ZRANB1: variants seen among roughly 807,000 people sequenced by gnomAD.
The protein encoded by ZRANB1 is zinc finger RANBP2-type containing 1.
Under a neutral mutation model 80.5 loss-of-function variants are expected in ZRANB1, and 16 were observed. The observed-to-expected ratio is 0.20, with a 90% CI of 0.13 to 0.30. The LOEUF (loss-of-function observed/expected upper bound fraction) is 0.30. ZRANB1 is among the 10% of genes least tolerant of loss of function. The pLI, the probability that ZRANB1 is intolerant of heterozygous loss-of-function variation, is 1.00. For synonymous variants in ZRANB1, 291 were observed against 293.1 expected, an observed-to-expected ratio of 0.99 and a Z score of 0.07; for missense variants, 576 against 862.6, an observed-to-expected ratio of 0.67 and a Z score of 4.16.
the ZRANB1 span, among the ~76,000 whole-genome samples, chr10:124,933,464 G>A: frequency 6.6e-6 from 1 of 152,146 alleles, no homozygotes; most frequent in Non-Finnish European, 1.5e-5. Context: ...GAATGAAGTA[G>A]CATGTTCATA....
At chr10:124,923,734 G>T in the ZRANB1 span, among the ~76,000 whole-genome samples, 2 of 151,820 alleles carry the variant, frequency 1.3e-5, no homozygotes, top group Non-Finnish European at 2.9e-5. Flanking sequence ...GTGAGCAGGG[G>T]AAGTGCCACG....
At chr10:124,928,135 C>G in the ZRANB1 span, among the ~76,000 whole-genome samples, 1 of 152,074 alleles carries the variant, frequency 6.6e-6, no homozygotes, top group African/African-American at 2.4e-5. Context: ...TTAAGCTGGT[C>G]CTTGAAGGAG....
the ZRANB1 span, among the ~76,000 whole-genome samples, chr10:124,921,090 A>T: frequency 1.3e-5 from 2 of 152,314 alleles, no homozygotes; most frequent in East Asian, 3.9e-4. Context: ...CCTGTAGAGG[A>T]TGTTCAGCAT....
upstream of ZRANB1, among the ~76,000 whole-genome samples, chr10:124,937,976 T>C (rs990840459): frequency 2.6e-5 from 4 of 152,224 alleles, no homozygotes; most frequent in Non-Finnish European, 4.4e-5. Flanking sequence ...TTTATTGTGG[T>C]TTTATTTTAC....
chr10:124,922,487 G>A, the ZRANB1 span, among the ~76,000 whole-genome samples: 3 of 144,006 alleles, frequency 2.1e-5, no homozygotes, highest in South Asian at 2.1e-4. Context: ...CACCACACCT[G>A]GCTAATTTTT....
chr10:124,958,674 T>C (rs1443166063), intron 1 of ZRANB1, among the ~76,000 whole-genome samples: 9 of 152,226 alleles, frequency 5.9e-5, no homozygotes, highest in Admixed American at 3.9e-4. Context: ...TGCTGCACCT[T>C]AAATTAACCT....
At chr10:124,947,513 C>G (rs1174177398) in intron 1 of ZRANB1, among the ~76,000 whole-genome samples, 6 of 152,136 alleles carry the variant, frequency 3.9e-5, no homozygotes. Flanking sequence ...ATAAGAACAC[C>G]ATATTAAATC....
At position 124,947,334 on chromosome 10, in the gene ZRANB1, C is replaced by T. The variant is rs566781974; in HGVS notation, c.814+4027C>T. Among the ~76,000 whole-genome samples the T allele has an allele frequency of 2.0e-5, 3 of 152,286 alleles. No individual in the cohort carries two copies. The East Asian group carries it at 5.8e-4, about 29-fold the overall frequency. On this transcript the variant is annotated intron_variant, in intron 1 of 8. Transcript: ENST00000359653. ...GGTTTTTAGGGCGGTCATGTGAGCACTCACCATAGACTGCTTTTCTCACTG... is the reference window on the plus strand; with the variant it reads ...GGTTTTTAGGGCGGTCATGTGAGCATTCACCATAGACTGCTTTTCTCACTG...
chr10:124,960,358 T>C (rs1466567265), intron 1 of ZRANB1, among the ~76,000 whole-genome samples: 1 of 152,226 alleles, frequency 6.6e-6, no homozygotes, highest in Non-Finnish European at 1.5e-5. Flanking sequence ...AAGAATTAAA[T>C]GTATATAATA....
At chr10:124,922,756 G>A in the ZRANB1 span, among the ~76,000 whole-genome samples, 1 of 151,970 alleles carries the variant, frequency 6.6e-6, no homozygotes, top group Non-Finnish European at 1.5e-5. Context: ...CTCCCAAAGT[G>A]CTGGGATTAC....
At chr10:124,917,282 C>T in the ZRANB1 span, 1 of 152,224 alleles carries the variant, frequency 6.6e-6, no homozygotes, top group Non-Finnish European at 1.4e-5. Flanking sequence ...GGTAACCGGG[C>T]CCCGGGGGGC....
intron 1 of ZRANB1, among the ~76,000 whole-genome samples, chr10:124,954,269 A>AGCC (rs1951670801): frequency 6.8e-6 from 1 of 147,708 alleles, no homozygotes; most frequent in African/African-American, 2.5e-5. Context: ...TACAGGCGTG[A>AGCC]GCCACGGTGC....
intron 1 of ZRANB1, among the ~76,000 whole-genome samples, chr10:124,952,164 G>A (rs751091327): frequency 7.2e-5 from 11 of 152,074 alleles, no homozygotes; most frequent in Non-Finnish European, 1.6e-4. Flanking sequence ...CTCCCCATGC[G>A]TGCGTCCCAG....
chr10:124,924,551 A>G, the ZRANB1 span, among the ~76,000 whole-genome samples: 32 of 152,266 alleles, frequency 2.1e-4, no homozygotes, highest in African/African-American at 7.5e-4. Flanking sequence ...TATTCTGGAT[A>G]TGTCGTAAAT....
chr10:124,962,119 T>C (rs1364499707), intron 1 of ZRANB1, among the ~76,000 whole-genome samples: 1 of 152,244 alleles, frequency 6.6e-6, no homozygotes, highest in African/African-American at 2.4e-5. Context: ...TATAGCCAAA[T>C]GCTTATGATA....
chr10:124,983,791 C>G lies in ZRANB1; in HGVS notation c.1908+103C>G, dbSNP rs1951965335. 6.1e-6 allele frequency: 5 copies of G among 820,460 alleles called. No homozygotes were observed. Among genetic ancestry groups the G allele is most frequent in the Non-Finnish European group, 9.5e-6 (5 of 528,372 alleles). The allele number at this position is 820,460 out of a possible 1,614,324, so 50.8% of individuals were successfully genotyped here. The stretch of plus-strand genomic sequence containing the variant: ...TTTTATCTGCACTATCACTTAATTT[C>G]TGAATGTGATGGTAGTAATTGCTGA... On this transcript the variant is annotated intron_variant, in intron 8 of 8. Coordinates refer to ENST00000359653, the MANE Select transcript of ZRANB1 (RefSeq NM_017580.3). The surrounding 1 kb of genome is among the most constrained non-coding windows in gnomAD (Gnocchi z 6.2).
At chr10:124,927,201 C>T in the ZRANB1 span, among the ~76,000 whole-genome samples, 67 of 152,128 alleles carry the variant, frequency 4.4e-4, no homozygotes, top group African/African-American at 1.5e-3. Flanking sequence ...GTGATCCGCC[C>T]GCCTCGGCCT....
rs1951550049 is a variant in ZRANB1 at position 124,943,004 on chromosome 10, G to C, written c.511G>C (p.Val171Leu). The change falls in exon 1 of 9, where the codon GTT (valine) becomes CTT (leucine). Residue 171 changes from valine to leucine, a missense_variant. Val to Leu is a conservative substitution (Grantham distance 32, BLOSUM62 1). Transcript: ENST00000359653. Reference sequence around the variant, plus strand: ...CTGGGCCAAGGCTAAAAGATGTGTTGTTTGTGATCATCCCAGACCTAATAA... The same window carrying C: ...CTGGGCCAAGGCTAAAAGATGTGTTCTTTGTGATCATCCCAGACCTAATAA... Reference protein sequence around the residue: ...ENWAKAKRCVVCDHPRPNNIE... With the variant: ...ENWAKAKRCVLCDHPRPNNIE... The C allele has an allele frequency of 8.1e-6, 13 of 1,614,076 alleles. No individual in the cohort carries two copies. Among genetic ancestry groups the C allele is most frequent in the Non-Finnish European group, 1.1e-5 (13 of 1,180,038 alleles).
chr10:124,952,330 T>C (rs1347566451), intron 1 of ZRANB1, among the ~76,000 whole-genome samples: 1 of 152,162 alleles, frequency 6.6e-6, no homozygotes, highest in Non-Finnish European at 1.5e-5. Flanking sequence ...AGATTATAGA[T>C]GGGACCATGA....
Sources: allele counts gnomAD v4.1 joint callset (sites outside exome capture counted in the v4.1 genomes callset), GRCh38; gene constraint gnomAD v4.1.1; non-coding constraint Gnocchi (gnomAD v3.1); transcripts MANE v1.5; gene names NCBI Gene and HGNC (gene_info 2026-07-23, HGNC 2026-07-21).